CNTN5: variants seen among roughly 807,000 people sequenced by gnomAD.
The protein encoded by CNTN5 is contactin 5.
In CNTN5, 77 loss-of-function variants were observed where a neutral mutation model predicts 129.1. That is an observed-to-expected ratio of 0.60 (90% confidence interval 0.50 to 0.72). The LOEUF (loss-of-function observed/expected upper bound fraction) is 0.72, where lower values mean the gene tolerates loss of function less well. Ranked by LOEUF, CNTN5 falls within the 30% of genes least tolerant of loss-of-function variation. The pLI is 0.00. For missense variants in CNTN5, 1,478 were observed against 1,328.8 expected (o/e 1.11, Z -1.75); for synonymous variants, 509 against 465.6 (o/e 1.09, Z -1.20).
chr11:100,026,753 A>C (rs776198204), intron 9 of CNTN5, among the ~76,000 whole-genome samples: 5 of 152,032 alleles, frequency 3.3e-5, no homozygotes, highest in African/African-American at 4.8e-5. Flanking sequence ...TAGTTTTAAG[A>C]GTCCCTTTTA....
chr11:100,296,272 G>T lies in CNTN5; in HGVS notation c.2315-1353G>T, dbSNP rs186910836. 2.0e-5 allele frequency among the ~76,000 whole-genome samples: 3 copies of T among 151,562 alleles called. No individual in the cohort carries two copies. The South Asian group carries it at 6.2e-4, about 31-fold the overall frequency. On this transcript the variant is annotated intron_variant, in intron 18 of 24. Transcript: ENST00000524871. ...TGGCAACAACTATGACTACTAATAC[G>T]TAACTCAATAAATGATTTGTTTGCT... is the stretch of plus-strand genomic sequence containing the variant.
chr11:99,088,333 A>G (rs924077060), intron 1 of CNTN5, among the ~76,000 whole-genome samples: 1 of 152,158 alleles, frequency 6.6e-6, no homozygotes, highest in Non-Finnish European at 1.5e-5. Flanking sequence ...ATATGCTTAT[A>G]TGATTTTGGA....
chr11:99,281,310 A>G (rs1863683997), intron 1 of CNTN5, among the ~76,000 whole-genome samples: 1 of 151,996 alleles, frequency 6.6e-6, no homozygotes, highest in African/African-American at 2.4e-5. Flanking sequence ...TAACAAAAAG[A>G]AATCCTCATA....
chr11:99,308,945 A>T (rs938931910), intron 1 of CNTN5, among the ~76,000 whole-genome samples: 1 of 152,102 alleles, frequency 6.6e-6, no homozygotes, highest in Non-Finnish European at 1.5e-5. Flanking sequence ...TGACTTACTA[A>T]TTCCTAATAC....
chr11:99,314,463 T>C lies in CNTN5; in HGVS notation c.-209-10883T>C, dbSNP rs1292861310. On this transcript the variant is annotated intron_variant, in intron 1 of 24. Transcript: ENST00000524871. ...AGCATCTCATTCCAAATAACTACTT[T>C]CACTTGTTCGGTAGTGACTATGTAA... Among the ~76,000 whole-genome samples the C allele has an allele frequency of 3.9e-5, 6 of 152,094 alleles. 1 individual carries two copies. Among genetic ancestry groups the C allele is most frequent in the Admixed American group, 3.9e-4 (6 of 15,254 alleles).
At chr11:99,579,097 C>A (rs1455062266) in intron 3 of CNTN5, among the ~76,000 whole-genome samples, 1 of 151,764 alleles carries the variant, frequency 6.6e-6, no homozygotes, top group African/African-American at 2.4e-5. Flanking sequence ...AATCCTTTCC[C>A]CATTGCTTGT....
chr11:99,425,534 T>G (rs572440953), intron 2 of CNTN5, among the ~76,000 whole-genome samples: 1 of 152,296 alleles, frequency 6.6e-6, no homozygotes, highest in African/African-American at 2.4e-5. Context: ...GGTAGGGGGC[T>G]GGCATAACAG....
intron 3 of CNTN5, among the ~76,000 whole-genome samples, chr11:99,812,977 C>A (rs559990453): frequency 1.3e-5 from 2 of 151,356 alleles, no homozygotes; most frequent in Non-Finnish European, 2.9e-5. Flanking sequence ...TAATGTTCCT[C>A]TACTAATATT....
At chr11:99,740,909 T>A (rs1194557994) in intron 3 of CNTN5, among the ~76,000 whole-genome samples, 2 of 152,192 alleles carry the variant, frequency 1.3e-5, no homozygotes, top group Non-Finnish European at 2.9e-5. Context: ...AATCTAACTA[T>A]CTGCTTATGT....
intron 3 of CNTN5, among the ~76,000 whole-genome samples, chr11:99,743,833 G>T (rs1234469198): frequency 6.6e-6 from 1 of 152,106 alleles, no homozygotes; most frequent in Non-Finnish European, 1.5e-5. Flanking sequence ...ATATAGATAA[G>T]TATTAAGGTC....
chr11:99,852,306 G>A (rs1375240484), intron 6 of CNTN5, among the ~76,000 whole-genome samples: 3 of 152,060 alleles, frequency 2.0e-5, no homozygotes, highest in Admixed American at 6.6e-5. Flanking sequence ...AAGTTCAGAG[G>A]AAACAATTTA....
chr11:100,275,766 C>T (rs1950496724), intron 18 of CNTN5, among the ~76,000 whole-genome samples: 1 of 152,152 alleles, frequency 6.6e-6, no homozygotes, highest in African/African-American at 2.4e-5. Context: ...GAAAAATGCA[C>T]GAAGTACTCT....
At chr11:99,300,076 A>T (rs1418587235) in intron 1 of CNTN5, among the ~76,000 whole-genome samples, 1 of 151,916 alleles carries the variant, frequency 6.6e-6, no homozygotes, top group Non-Finnish European at 1.5e-5. Flanking sequence ...TGACTTTTTA[A>T]TAATAGTTAT....
chr11:99,595,805 G>T (rs1395618923), intron 3 of CNTN5, among the ~76,000 whole-genome samples: 1 of 151,774 alleles, frequency 6.6e-6, no homozygotes, highest in African/African-American at 2.4e-5. Flanking sequence ...TGCAAGAAAT[G>T]TGTGATCTTT....
At chr11:100,331,845 G>C (rs1252163919) in intron 21 of CNTN5, among the ~76,000 whole-genome samples, 1 of 151,954 alleles carries the variant, frequency 6.6e-6, no homozygotes, top group Non-Finnish European at 1.5e-5. Flanking sequence ...TAAGAGATAA[G>C]AAGAAAGTTC....
intron 7 of CNTN5, among the ~76,000 whole-genome samples, chr11:99,953,112 A>G (rs1950715337): frequency 6.6e-6 from 1 of 152,212 alleles, no homozygotes; most frequent in South Asian, 2.1e-4. Flanking sequence ...CTTGTTTTCA[A>G]AGACTTCAGA....
intron 13 of CNTN5, among the ~76,000 whole-genome samples, chr11:100,102,049 T>C (rs572657782): frequency 7.2e-5 from 11 of 152,304 alleles, no homozygotes; most frequent in African/African-American, 2.6e-4. Flanking sequence ...AATGTGCATG[T>C]CTTTTACATA....
chr11:100,289,345 A>T (rs1322474542), intron 18 of CNTN5, among the ~76,000 whole-genome samples: 1 of 152,110 alleles, frequency 6.6e-6, no homozygotes, highest in Non-Finnish European at 1.5e-5. Context: ...ATGAACATTG[A>T]TACAAAAATC....
chr11:100,275,097 A>AG (rs11411096), intron 18 of CNTN5, among the ~76,000 whole-genome samples: 2 of 6,068 alleles, frequency 3.3e-4, no homozygotes, highest in African/African-American at 5.4e-4. Context: ...TTAAACAACC[A>AG]AAAAAAAAAG....
Sources: gnomAD v4.1 joint callset for allele counts (sites outside exome capture counted in the v4.1 genomes callset) on GRCh38, gnomAD v4.1.1 for gene constraint, MANE v1.5 for transcripts, NCBI Gene and HGNC (gene_info 2026-07-23, HGNC 2026-07-21) for gene names.